ADAMTS13: variants seen among roughly 807,000 people sequenced by gnomAD.
ADAMTS13 encodes the protein A disintegrin and metalloproteinase with thrombospondin motifs 13.
Under a neutral mutation model 155.1 loss-of-function variants are expected in ADAMTS13, and 110 were observed. The ratio of observed to expected loss-of-function variants is 0.71; its 90% confidence interval spans 0.61 to 0.83. The LOEUF (loss-of-function observed/expected upper bound fraction) is 0.83, where lower values mean the gene tolerates loss of function less well. ADAMTS13 is among the 40% of genes least tolerant of loss of function. The probability of loss-of-function intolerance (pLI) is 0.00; values close to 1 mark genes in which losing one functional copy is unlikely to be tolerated. For missense variants in ADAMTS13, 1,707 were observed against 1,891.7 expected, an observed-to-expected ratio of 0.90 and a Z score of 1.81; for synonymous variants, 758 against 756.4, an observed-to-expected ratio of 1.00 and a Z score of -0.03.
intron 23 of ADAMTS13, among the ~76,000 whole-genome samples, chr9:133,453,044 C>T (rs1842530404): frequency 6.6e-6 from 1 of 152,080 alleles, no homozygotes. Flanking sequence ...TCCTGTGACG[C>T]TCTGCTTGGC....
At chr9:133,418,179 G>A (rs1466330639), upstream of ADAMTS13, 2 of 367,216 alleles carry the variant, frequency 5.4e-6, no homozygotes, top group Non-Finnish European at 9.9e-6. Context: ...GTTTGACTGG[G>A]GCAAGCCGAG....
At chr9:133,442,378 C>T in intron 16 of ADAMTS13, 21 bp from the exon 17 acceptor site, 1 of 1,613,816 alleles carries the variant, frequency 6.2e-7, no homozygotes, top group African/African-American at 1.3e-5. Context: ...CTGGACAAGG[C>T]CTGAAGCTCT....
chr9:133,440,713 G>A lies in ADAMTS13; in HGVS notation c.1968+188G>A, dbSNP rs959039664. Among the ~76,000 whole-genome samples the A allele has an allele frequency of 4.6e-5, 7 of 152,172 alleles. No individual in the cohort carries two copies. The highest frequency in any genetic ancestry group is 1.7e-4 in the African/African-American group (7 of 41,442). ...TAGCTAGCTCCTCCAGGGGCTTAGG[G>A]TCCCACAAATATCCAAATGTGCCTG... On this transcript the variant is annotated intron_variant, in intron 16 of 28. Transcript: ENST00000355699. This position sits in a 1 kb window ranked among gnomAD's most constrained non-coding sequence, Gnocchi z 4.3.
rs782609219 is a variant in ADAMTS13 at position 133,445,847 on chromosome 9, A to G, written c.2731+28A>G. Reference sequence around the variant, plus strand: ...GAGGGCCCCCGGGATGCTCCTGGGGACCAGCACTCATGGTAACTCTCCTGT... The same window carrying G: ...GAGGGCCCCCGGGATGCTCCTGGGGGCCAGCACTCATGGTAACTCTCCTGT... On this transcript the variant is annotated intron_variant, in intron 21 of 28. Coordinates refer to ENST00000355699, the MANE Select transcript of ADAMTS13 (RefSeq NM_139027.6). The surrounding 1 kb of genome is among the most constrained non-coding windows in gnomAD (Gnocchi z 5.0). The G allele has an allele frequency of 6.5e-7, 1 of 1,546,262 alleles. No homozygotes were observed. Among genetic ancestry groups the G allele is most frequent in the East Asian group, 2.3e-5 (1 of 43,960 alleles).
In ADAMTS13 at chr9:133,455,916, C is replaced by T; in HGVS notation, c.3401-153C>T. 4.0e-6 allele frequency: 4 copies of T among 1,002,976 alleles called. No individual in the cohort carries two copies. The South Asian group carries it at 4.2e-5, about 10-fold the overall frequency. The allele number at this position is 1,002,976 out of a possible 1,614,324, so 62.1% of individuals were successfully genotyped here. On this transcript the variant is annotated intron_variant, in intron 25 of 28. Coordinates refer to ENST00000355699, the MANE Select transcript of ADAMTS13 (RefSeq NM_139027.6). ...AGGGTGATGCTCTGACCTATGCAGC[C>T]CCCCTCCCTGTCCTGAGAAGGCTTC...
rs201106433 is a variant in ADAMTS13, at chr9:133,444,994, A to G, written c.2552A>G (p.Glu851Gly). Residue 851 changes from glutamate to glycine, a missense_variant, in exon 20 of 29, where the codon GAG becomes GGG. Transcript: ENST00000355699. ...PVTEGPGSVDEKLPAPEPCVG... is the reference protein window; with the variant it reads ...PVTEGPGSVDGKLPAPEPCVG... Reference sequence around the variant, plus strand: ...ACTGAGGGGCCTGGCTCCGTAGATGAGAAGCTGCCTGCCCCTGAGCCCTGT... The same window carrying G: ...ACTGAGGGGCCTGGCTCCGTAGATGGGAAGCTGCCTGCCCCTGAGCCCTGT... 6.2e-7 allele frequency: 1 copy of G among 1,613,490 alleles called. No individual in the cohort carries two copies. Among genetic ancestry groups the G allele is most frequent in the African/African-American group, 1.3e-5 (1 of 75,044 alleles).
chr9:133,458,377 G>A (rs1162379103), intron 28 of ADAMTS13, among the ~76,000 whole-genome samples: 1 of 152,000 alleles, frequency 6.6e-6, no homozygotes, highest in South Asian at 2.1e-4. Flanking sequence ...CCAACATGAT[G>A]AAACCTTGTC....
In ADAMTS13 at chr9:133,445,032, T is replaced by C. The variant is rs782158020; in HGVS notation, c.2590T>C (p.Cys864Arg). 3.1e-6 allele frequency: 5 copies of C among 1,613,176 alleles called. No individual in the cohort carries two copies. The South Asian group carries it at 3.3e-5, about 11-fold the overall frequency. ...PAPEPCVGMSCPPGWGHLDAT... is the reference protein window; with the variant it reads ...PAPEPCVGMSRPPGWGHLDAT... ...CCCTGAGCCCTGTGTCGGGATGTCA[T>C]GTCCTCCAGGCTGGGGCCATGTGAG... Residue 864 changes from cysteine to arginine, a missense_variant, in exon 20 of 29, where the codon TGT (cysteine) becomes CGT (arginine). By Grantham distance (180) the Cys-to-Arg change is radical. Transcript: ENST00000355699. This position sits in a 1 kb window ranked among gnomAD's most constrained non-coding sequence, Gnocchi z 5.0.
chr9:133,458,200 A>C, intron 28 of ADAMTS13, 106 bp downstream of exon 28: 2 of 1,315,644 alleles, frequency 1.5e-6, no homozygotes, highest in Non-Finnish European at 2.1e-6. Context: ...AACCCTCAAA[A>C]TCATTAGTGA....
In ADAMTS13 at chr9:133,441,243, G is replaced by A. The variant is rs2130868993; in HGVS notation, c.1968+718G>A. Among the ~76,000 whole-genome samples the A allele has an allele frequency of 6.6e-6, 1 of 152,284 alleles. No individual in the cohort carries two copies. Among genetic ancestry groups the A allele is most frequent in the East Asian group, 1.9e-4 (1 of 5,184 alleles). On this transcript the variant is annotated intron_variant, in intron 16 of 28. Coordinates refer to ENST00000355699, the MANE Select transcript of ADAMTS13 (RefSeq NM_139027.6). The surrounding 1 kb of genome is among the most constrained non-coding windows in gnomAD (Gnocchi z 5.0). ...CTCAGCGGCCGGAGCAGCGTCCTCT[G>A]CCCCTACAGCAGCCAGAGACAGGAG...
intron 23 of ADAMTS13, among the ~76,000 whole-genome samples, chr9:133,453,703 G>A (rs919018459): frequency 1.3e-5 from 2 of 152,080 alleles, no homozygotes; most frequent in African/African-American, 2.4e-5. Flanking sequence ...AAATTTCTGC[G>A]ATGCACACGA....
In ADAMTS13 at chr9:133,432,600, G is replaced by A; in HGVS notation, c.1000G>A (p.Ala334Thr). Residue 334 changes from alanine (A) to threonine (T), a missense_variant, in exon 9 of 29, where the codon GCC becomes ACC. By Grantham distance (58) the Ala-to-Thr change is moderately conservative. Coordinates refer to ENST00000355699, the MANE Select transcript of ADAMTS13 (RefSeq NM_139027.6). ...TCCACCCTCCTAGGATATGTGCCAG[G>A]CCCTCTCCTGCCACACAGACCCGCT... ...FAREHLDMCQ[A>T]LSCHTDPLDQ... 2 of 1,552,792 alleles carry A rather than the reference G, an allele frequency of 1.3e-6. No homozygotes were observed. The highest frequency in any genetic ancestry group is 2.4e-5 in the South Asian group (2 of 84,246).
Position 133,445,839 on chromosome 9 carries a change from T to C in ADAMTS13, c.2731+20T>C. 1.3e-6 allele frequency: 2 copies of C among 1,559,022 alleles called. No individual in the cohort carries two copies. The highest frequency in any genetic ancestry group is 2.3e-5 in the East Asian group (1 of 44,062). On this transcript the variant is annotated intron_variant, in intron 21 of 28. Transcript: ENST00000355699. This position sits in a 1 kb window ranked among gnomAD's most constrained non-coding sequence, Gnocchi z 5.0. ...GGCGAGGTGAGGGCCCCCGGGATGC[T>C]CCTGGGGACCAGCACTCATGGTAAC...
At chr9:133,455,550 C>T (rs966154002) in intron 25 of ADAMTS13, 115 bp downstream of exon 25, 1 of 1,609,562 alleles carries the variant, frequency 6.2e-7, no homozygotes, top group Admixed American at 1.7e-5. Context: ...TTCTCCCCGG[C>T]TCCCCAGCCT....
At chr9:133,431,329 A>AT (rs60906567) in intron 8 of ADAMTS13, among the ~76,000 whole-genome samples, 48,360 of 137,342 alleles carry the variant, frequency 0.35, 8,592 homozygotes, top group South Asian at 0.44. Context: ...TCATTTTTTC[A>AT]TTTTTTTTTT....
Position 133,440,758 on chromosome 9 carries a change from A to G in ADAMTS13, c.1968+233A>G, listed in dbSNP as rs1554790538. Among the ~76,000 whole-genome samples, 1 of 152,132 alleles carries G rather than the reference A, an allele frequency of 6.6e-6. No homozygotes were observed. Among genetic ancestry groups the G allele is most frequent in the Admixed American group, 6.5e-5 (1 of 15,278 alleles). ...TGCCTGTGCCCAGAGCCCGTGGGAG[A>G]AGGCCCTGCAGTTCTGGGATCAGGT... On this transcript the variant is annotated intron_variant, in intron 16 of 28. Coordinates refer to ENST00000355699, the MANE Select transcript of ADAMTS13 (RefSeq NM_139027.6). This position sits in a 1 kb window ranked among gnomAD's most constrained non-coding sequence, Gnocchi z 4.3.
At chr9:133,423,015 A>T (rs1179423517) in intron 1 of ADAMTS13, 86 bp from the exon 2 acceptor site, 2 of 1,125,640 alleles carry the variant, frequency 1.8e-6, no homozygotes, top group East Asian at 2.4e-5. Flanking sequence ...GACTCAAGTG[A>T]TCCTCCCACC....
At chr9:133,451,258 TTTTA>T (rs1842419599) in intron 23 of ADAMTS13, among the ~76,000 whole-genome samples, 1 of 152,244 alleles carries the variant, frequency 6.6e-6, no homozygotes, top group African/African-American at 2.4e-5. Flanking sequence ...GTCCACTTAC[TTTTA>T]TTTATTTAAT....
In ADAMTS13 at chr9:133,425,606, G is replaced by A; in HGVS notation, c.408G>A (p.Glu136=). The A allele has an allele frequency of 6.2e-7, 1 of 1,613,526 alleles. No individual in the cohort carries two copies. Among genetic ancestry groups the A allele is most frequent in the South Asian group, 1.1e-5 (1 of 90,996 alleles). ...VHLVKMVILT[E]PEGAPNITAN... ...TGGTGAAGATGGTCATTCTGACAGA[G>A]CCTGAGGTAGGCATGGAGCTGGAAC... is the stretch of plus-strand genomic sequence containing the variant. The change falls in exon 4 of 29, where the codon GAG becomes GAA. Residue 136 remains glutamate (E), a synonymous_variant. Coordinates refer to ENST00000355699, the MANE Select transcript of ADAMTS13 (RefSeq NM_139027.6). This position sits in a 1 kb window ranked among gnomAD's most constrained non-coding sequence, Gnocchi z 4.6.
Sources: gnomAD v4.1 joint callset for allele counts (sites outside exome capture counted in the v4.1 genomes callset) on GRCh38, gnomAD v4.1.1 for gene constraint, Gnocchi (gnomAD v3.1) non-coding constraint, MANE v1.5 for transcripts, NCBI Gene and HGNC (gene_info 2026-07-23, HGNC 2026-07-21) for gene names.